Variants in ARHGAP6 observed in about 807,000 individuals in gnomAD.
ARHGAP6 encodes the protein Rho GTPase activating protein 6, also known as rho GTPase-activating protein 6.
Under a neutral mutation model 55.7 loss-of-function variants are expected in ARHGAP6, and 16 were observed. The ratio of observed to expected loss-of-function variants is 0.29; its 90% CI spans 0.19 to 0.44. The LOEUF is 0.44. Among genes scored for constraint, ARHGAP6 ranks in the 20% least tolerant of loss-of-function variants. The pLI is 1.00. For missense variants in ARHGAP6, 698 were observed against 808.9 expected (o/e 0.86, Z 1.66); for synonymous variants, 382 against 360.9 (o/e 1.06, Z -0.66).
chrX:11,148,850 G>A, intron 10 of ARHGAP6: 1 of 254,167 alleles, frequency 3.9e-6, no homozygotes, highest in Non-Finnish European at 7.6e-6. Context: ...TTAATCATAT[G>A]ACTGATAAGT....
At chrX:11,599,124 G>C (rs1472076875) in intron 1 of ARHGAP6, among the ~76,000 whole-genome samples, 1 of 111,416 alleles carries the variant, frequency 9.0e-6, no homozygotes, top group Non-Finnish European at 1.9e-5. Context: ...CCGTGTGTCT[G>C]TGTACCTCAT....
chrX:11,398,262 T>TA (rs60548732), intron 1 of ARHGAP6, among the ~76,000 whole-genome samples: 4,146 of 58,741 alleles, frequency 0.071, 96 homozygotes, highest in Middle Eastern at 0.14. Flanking sequence ...GTAAGTGCTA[T>TA]AAAAAAAAAA....
chrX:11,518,032 C>A (rs1168059546), intron 1 of ARHGAP6, among the ~76,000 whole-genome samples: 1 of 111,431 alleles, frequency 9.0e-6, no homozygotes, highest in Non-Finnish European at 1.9e-5. Flanking sequence ...ACATCCCAGC[C>A]CCAAATACCT....
At chrX:11,206,477 G>A (rs1196518057) in intron 2 of ARHGAP6, among the ~76,000 whole-genome samples, 2 of 111,763 alleles carry the variant, frequency 1.8e-5, no homozygotes, top group Admixed American at 9.6e-5. Context: ...CACTGGGCAC[G>A]AGGCTGTAAT....
intron 1 of ARHGAP6, among the ~76,000 whole-genome samples, chrX:11,603,181 C>T (rs775821542): frequency 5.3e-4 from 59 of 111,566 alleles, no homozygotes; most frequent in African/African-American, 1.8e-3. Flanking sequence ...TAGTGGCTCT[C>T]AAGAAGCATT....
In ARHGAP6 at chrX:11,390,115, G is replaced by A. The variant is rs149846597; in HGVS notation, c.589-135408C>T. ...AATTAATTTTTGTATAAGGTATAAG[G>A]AAGGAAACCAGTTTCAGCTTTCTAC... On this transcript the variant is annotated intron_variant, in intron 1 of 12. Coordinates refer to ENST00000337414, the MANE Select transcript of ARHGAP6 (RefSeq NM_013427.3). Among the ~76,000 whole-genome samples the A allele has an allele frequency of 9.6e-3, 1,077 of 111,886 alleles. 9 individuals are homozygous for A. Among genetic ancestry groups the A allele is most frequent in the African/African-American group, 0.033 (1,027 of 30,833 alleles).
intron 2 of ARHGAP6, among the ~76,000 whole-genome samples, chrX:11,252,166 T>C (rs1321781495): frequency 8.9e-6 from 1 of 112,049 alleles, no homozygotes; most frequent in Non-Finnish European, 1.9e-5. Context: ...TAGTGGACTC[T>C]TTAACAAGCA....
intron 1 of ARHGAP6, chrX:11,296,761 C>T: frequency 1.7e-6 from 2 of 1,200,058 alleles, no homozygotes; most frequent in African/African-American, 1.7e-5. Context: ...TATTCTCCTC[C>T]CCTCCTCCCT....
At chrX:11,184,862 A>G (rs1349879649) in intron 5 of ARHGAP6, among the ~76,000 whole-genome samples, 2 of 111,652 alleles carry the variant, frequency 1.8e-5, no homozygotes, top group Non-Finnish European at 3.8e-5. Flanking sequence ...AAATTAGGCA[A>G]TTTCATTATT....
At chrX:11,419,185 G>T (rs1287234665) in intron 1 of ARHGAP6, among the ~76,000 whole-genome samples, 2 of 112,286 alleles carry the variant, frequency 1.8e-5, no homozygotes, top group Admixed American at 1.9e-4. Context: ...GGTAACGCTG[G>T]TCCCTCCCTG....
chrX:11,277,709 T>TA (rs1314475901), intron 1 of ARHGAP6, among the ~76,000 whole-genome samples: 229 of 109,121 alleles, frequency 2.1e-3, no homozygotes, highest in Non-Finnish European at 3.4e-3. Flanking sequence ...CTTTTTTTTT[T>TA]TAAAAAAAAA....
intron 1 of ARHGAP6, among the ~76,000 whole-genome samples, chrX:11,419,213 T>C (rs2049790479): frequency 8.9e-6 from 1 of 112,383 alleles, no homozygotes; most frequent in Non-Finnish European, 1.9e-5. Flanking sequence ...CTTCTCAGTG[T>C]TGCTAATTGC....
intron 2 of ARHGAP6, among the ~76,000 whole-genome samples, chrX:11,206,287 TA>T (rs5901446): frequency 0.16 from 17,295 of 111,509 alleles, 1,039 homozygotes; most frequent in Middle Eastern, 0.2. Context: ...CACTCAGAAA[TA>T]TTCTGCATGG....
At chrX:11,571,755 C>T (rs1356952428) in intron 1 of ARHGAP6, among the ~76,000 whole-genome samples, 2 of 102,021 alleles carry the variant, frequency 2.0e-5, no homozygotes, top group Admixed American at 1.0e-4. Context: ...GAGTATAGTG[C>T]TGCATGCCTG....
At chrX:11,473,698 C>G in intron 1 of ARHGAP6, among the ~76,000 whole-genome samples, 1 of 111,809 alleles carries the variant, frequency 8.9e-6, no homozygotes, top group African/African-American at 3.2e-5. Flanking sequence ...CCAGAACTGA[C>G]AGAGAGAATA....
intron 2 of ARHGAP6, among the ~76,000 whole-genome samples, chrX:11,234,891 C>A (rs187121177): frequency 8.9e-6 from 1 of 112,681 alleles, no homozygotes; most frequent in African/African-American, 3.2e-5. Flanking sequence ...TAGCAAGCCA[C>A]AAAATGATCA....
At position 11,491,931 on chromosome X, in the gene ARHGAP6, T is replaced by C. The variant is rs143240715; in HGVS notation, c.588+172310A>G. Among the ~76,000 whole-genome samples the C allele has an allele frequency of 2.3e-3, 250 of 107,998 alleles. 4 individuals are homozygous for C. The highest frequency in any genetic ancestry group is 4.9e-3 in the East Asian group (16 of 3,270). The allele number at this position is 107,998 out of a possible 115,157, so 93.8% of individuals were successfully genotyped here. ...CTAACAGGTGTAAGATGGTATCTCATTGTGGTTTTGATTTGCATTTCTCTG... is the reference window on the plus strand; with the variant it reads ...CTAACAGGTGTAAGATGGTATCTCACTGTGGTTTTGATTTGCATTTCTCTG... On this transcript the variant is annotated intron_variant, in intron 1 of 12. Transcript: ENST00000337414.
intron 1 of ARHGAP6, among the ~76,000 whole-genome samples, chrX:11,627,924 A>G (rs1296796162): frequency 8.9e-6 from 1 of 111,881 alleles, no homozygotes; most frequent in Non-Finnish European, 1.9e-5. Flanking sequence ...TATTCAGAAT[A>G]AAACTACTGT....
chrX:11,270,282 G>A (rs2047676183), intron 1 of ARHGAP6, among the ~76,000 whole-genome samples: 1 of 111,764 alleles, frequency 8.9e-6, no homozygotes, highest in African/African-American at 3.3e-5. Context: ...TATAAACAAA[G>A]TAAGTATGAC....
Sources: gnomAD v4.1 joint callset for allele counts (sites outside exome capture counted in the v4.1 genomes callset) on GRCh38, gnomAD v4.1.1 for gene constraint, MANE v1.5 for transcripts, NCBI Gene and HGNC (gene_info 2026-07-23, HGNC 2026-07-21) for gene names.